Variants in EPC1 observed in about 807,000 individuals in gnomAD.
EPC1 encodes the protein enhancer of polycomb homolog 1.
Under a neutral mutation model 98.4 loss-of-function variants are expected in EPC1, and 12 were observed. The ratio of observed to expected loss-of-function variants is 0.12; its 90% confidence interval spans 0.08 to 0.20. The LOEUF (loss-of-function observed/expected upper bound fraction) is 0.20, where lower values mean the gene tolerates loss of function less well. Ranked by LOEUF, EPC1 falls within the 10% of genes least tolerant of loss-of-function variation. The pLI, the probability that EPC1 is intolerant of heterozygous loss-of-function variation, is 1.00. For missense variants in EPC1, 729 were observed against 990.5 expected (o/e 0.74, Z 3.54); for synonymous variants, 357 against 363.9 (o/e 0.98, Z 0.21).
At chr10:32,280,661 C>T (rs774569694) in intron 10 of EPC1, among the ~76,000 whole-genome samples, 2 of 151,740 alleles carry the variant, frequency 1.3e-5, no homozygotes, top group African/African-American at 2.4e-5. Context: ...CTGCTTGAAC[C>T]GGGGAGGTGG....
At chr10:32,343,940 GGT>G (rs1399091480) in intron 1 of EPC1, among the ~76,000 whole-genome samples, 1 of 152,068 alleles carries the variant, frequency 6.6e-6, no homozygotes, top group African/African-American at 2.4e-5. Flanking sequence ...TTAATCAGGT[GGT>G]GTATAAAAAA....
chr10:32,346,149 C>T (rs1838780766), intron 1 of EPC1, among the ~76,000 whole-genome samples: 1 of 152,202 alleles, frequency 6.6e-6, no homozygotes, highest in African/African-American at 2.4e-5. Flanking sequence ...TCGACATTTC[C>T]TTGCAGAGGG....
At chr10:32,347,279 A>C (rs909830872), upstream of EPC1, 2 of 934,134 alleles carry the variant, frequency 2.1e-6, no homozygotes, top group Non-Finnish European at 2.7e-6. Flanking sequence ...CGTCCCGCCA[A>C]CCCCCGGCAC....
upstream of EPC1, among the ~76,000 whole-genome samples, chr10:32,351,401 A>T (rs1054438326): frequency 6.6e-6 from 1 of 152,134 alleles, no homozygotes; most frequent in Non-Finnish European, 1.5e-5. Context: ...TCATGCCTGT[A>T]ATCCCAGTAC....
chr10:32,321,990 T>C (rs2132912537), intron 1 of EPC1, among the ~76,000 whole-genome samples: 1 of 151,148 alleles, frequency 6.6e-6, no homozygotes, highest in Non-Finnish European at 1.5e-5. Flanking sequence ...AGCAGGTTTC[T>C]TAGCTTCGCT....
At chr10:32,306,512 A>G (rs1835884256) in intron 1 of EPC1, among the ~76,000 whole-genome samples, 1 of 152,168 alleles carries the variant, frequency 6.6e-6, no homozygotes, top group South Asian at 2.1e-4. Flanking sequence ...GAGTATGTGT[A>G]GGGGCAGAAA....
chr10:32,291,839 A>T (rs1450300664), intron 5 of EPC1: 2 of 152,170 alleles, frequency 1.3e-5, no homozygotes, highest in East Asian at 1.9e-4. Flanking sequence ...TTTTTGGCTT[A>T]TAGCTTTATC....
chr10:32,280,897 G>A (rs768950648), intron 10 of EPC1, among the ~76,000 whole-genome samples: 2 of 152,102 alleles, frequency 1.3e-5, no homozygotes, highest in Non-Finnish European at 1.5e-5. Flanking sequence ...TAATATGAAC[G>A]TCTGAAATCT....
At chr10:32,346,035 A>C (rs1399474638) in intron 1 of EPC1, among the ~76,000 whole-genome samples, 1 of 152,246 alleles carries the variant, frequency 6.6e-6, no homozygotes, top group East Asian at 1.9e-4. Flanking sequence ...CCTCCGACCA[A>C]CTAGCTCTGG....
At chr10:32,298,352 G>A (rs949016295) in intron 2 of EPC1, among the ~76,000 whole-genome samples, 3 of 152,156 alleles carry the variant, frequency 2.0e-5, no homozygotes, top group African/African-American at 7.2e-5. Flanking sequence ...GAAACAAATA[G>A]TGAAAGGATA....
chr10:32,272,681 C>T (rs1298115584), intron 11 of EPC1, among the ~76,000 whole-genome samples: 1 of 152,186 alleles, frequency 6.6e-6, no homozygotes, highest in Non-Finnish European at 1.5e-5. Flanking sequence ...TGATAGGCCC[C>T]TCAACTTTTT....
In EPC1 at chr10:32,285,025, C is replaced by G. The variant is rs769789821; in HGVS notation, c.1417G>C (p.Asp473His). 1 of 1,614,004 alleles carries G rather than the reference C, an allele frequency of 6.2e-7. No individual in the cohort carries two copies. The highest frequency in any genetic ancestry group is 8.5e-7 in the Non-Finnish European group (1 of 1,179,912). The change falls in exon 10 of 14, where the codon GAC becomes CAC. Residue 473 changes from aspartate to histidine, a missense_variant. Asp to His is a moderately conservative substitution (Grantham distance 81). This residue lies in a region of EPC1 where 390 missense variants were observed against 438.6 expected (regional missense o/e 0.89). Coordinates refer to ENST00000319778, the MANE Select transcript of EPC1 (RefSeq NM_001272004.3). ...AGATGGTGAAACACACTGTCATAGTCTGAATGAGCTCTGTCCAGTAAGACC... is the reference window on the plus strand; with the variant it reads ...AGATGGTGAAACACACTGTCATAGTGTGAATGAGCTCTGTCCAGTAAGACC... ...GRVLLDRAHS[D>H]YDSVFHHLDL...
At chr10:32,302,667 AGGGT>A (rs1476753320) in intron 2 of EPC1, among the ~76,000 whole-genome samples, 2 of 144,422 alleles carry the variant, frequency 1.4e-5, no homozygotes, top group Non-Finnish European at 3.1e-5. Context: ...AAAAAAAAGG[AGGGT>A]GGGGGAGCGG....
At chr10:32,330,736 T>G (rs1447839872) in intron 1 of EPC1, among the ~76,000 whole-genome samples, 3 of 152,162 alleles carry the variant, frequency 2.0e-5, no homozygotes, top group African/African-American at 7.2e-5. Context: ...ATTAATTGGT[T>G]TCTTGCTAAT....
At chr10:32,377,881 T>A (rs1312515444) in intron 1 of EPC1, among the ~76,000 whole-genome samples, 1 of 152,150 alleles carries the variant, frequency 6.6e-6, no homozygotes, top group Non-Finnish European at 1.5e-5. Flanking sequence ...AAAAACAAGA[T>A]AGACCTGCAA....
chr10:32,371,634 C>T (rs1490506419), intron 1 of EPC1, among the ~76,000 whole-genome samples: 1 of 152,154 alleles, frequency 6.6e-6, no homozygotes, highest in Admixed American at 6.5e-5. Context: ...CGCGGTGGCT[C>T]ACCCCTGTAA....
intron 1 of EPC1, among the ~76,000 whole-genome samples, chr10:32,311,850 G>A (rs1429577182): frequency 6.6e-6 from 1 of 152,206 alleles, no homozygotes; most frequent in African/African-American, 2.4e-5. Context: ...TTATTGTGAT[G>A]TGAGAAAATG....
intron 13 of EPC1, 142 bp downstream of exon 13, chr10:32,271,412 T>C: frequency 1.0e-6 from 1 of 955,382 alleles, no homozygotes; most frequent in South Asian, 1.6e-5. Flanking sequence ...CTTGAATAAA[T>C]AAGTGATCAA....
At chr10:32,303,839 A>G (rs1279069100) in intron 2 of EPC1, among the ~76,000 whole-genome samples, 1 of 152,216 alleles carries the variant, frequency 6.6e-6, no homozygotes, top group Non-Finnish European at 1.5e-5. Context: ...ACCAATTTCA[A>G]TTTCTTGGTT....
Sources: allele counts gnomAD v4.1 joint callset (sites outside exome capture counted in the v4.1 genomes callset), GRCh38; gene constraint gnomAD v4.1.1; regional missense constraint gnomAD v4.1.1; transcripts MANE v1.5; gene names NCBI Gene and HGNC (gene_info 2026-07-23, HGNC 2026-07-21).